Variants in DLG2 observed in about 807,000 individuals in gnomAD.
The protein encoded by DLG2 is disks large homolog 2.
DLG2 carries 45 observed loss-of-function variants against 132.5 expected under a neutral mutation model. The ratio of observed to expected loss-of-function variants is 0.34; its 90% CI spans 0.27 to 0.44. DLG2 has a LOEUF of 0.44. Ranked by LOEUF, DLG2 falls within the 20% of genes least tolerant of loss-of-function variation. DLG2 has a pLI of 1.00. For missense variants in DLG2, 1,045 were observed against 1,196.9 expected (o/e 0.87, Z 1.87); for synonymous variants, 424 against 419.6 (o/e 1.01, Z -0.13).
intron 7 of DLG2, among the ~76,000 whole-genome samples, chr11:84,270,522 T>C (rs976133130): frequency 1.3e-5 from 2 of 152,288 alleles, no homozygotes; most frequent in Non-Finnish European, 2.9e-5. Flanking sequence ...CAATATGAAT[T>C]TTATATGGGA....
At chr11:84,589,630 G>A (rs962573690) in intron 6 of DLG2, among the ~76,000 whole-genome samples, 37 of 152,048 alleles carry the variant, frequency 2.4e-4, no homozygotes, top group African/African-American at 8.9e-4. Context: ...TTTGTCTTGA[G>A]TCTTATCAAT....
intron 6 of DLG2, among the ~76,000 whole-genome samples, chr11:84,860,810 A>G (rs920246572): frequency 2.0e-5 from 3 of 152,080 alleles, no homozygotes; most frequent in African/African-American, 7.2e-5. Context: ...AGAAAAATGA[A>G]AACACTGAAG....
intron 4 of DLG2, among the ~76,000 whole-genome samples, chr11:85,194,728 C>T (rs968052890): frequency 1.3e-5 from 2 of 151,940 alleles, no homozygotes; most frequent in African/African-American, 4.8e-5. Flanking sequence ...TGGCTAAGCC[C>T]CTAGTAGGGA....
intron 6 of DLG2, among the ~76,000 whole-genome samples, chr11:84,631,880 T>C (rs957822374): frequency 3.3e-5 from 5 of 152,178 alleles, no homozygotes; most frequent in Non-Finnish European, 5.9e-5. Context: ...ACAAGTTGTT[T>C]AACTTCTCTG....
At chr11:83,962,299 T>A (rs1341019509) in intron 14 of DLG2, among the ~76,000 whole-genome samples, 1 of 151,984 alleles carries the variant, frequency 6.6e-6, no homozygotes, top group Non-Finnish European at 1.5e-5. Flanking sequence ...GAAAATACAT[T>A]TGTATATGTT....
At chr11:84,435,686 C>T (rs1316416951) in intron 7 of DLG2, among the ~76,000 whole-genome samples, 1 of 152,096 alleles carries the variant, frequency 6.6e-6, no homozygotes, top group Non-Finnish European at 1.5e-5. Context: ...AAACATTAGC[C>T]ATCACAGAAA....
At chr11:85,625,241 A>G (rs566369345) in intron 2 of DLG2, 1 of 152,288 alleles carries the variant, frequency 6.6e-6, no homozygotes, top group South Asian at 2.1e-4. Context: ...AGGTAATCCA[A>G]AAGAAACTCT....
chr11:84,532,075 T>C (rs1459191974), intron 7 of DLG2, among the ~76,000 whole-genome samples: 1 of 149,792 alleles, frequency 6.7e-6, no homozygotes, highest in Non-Finnish European at 1.5e-5. Flanking sequence ...GAAGACTTAA[T>C]ATACAAAACA....
intron 4 of DLG2, among the ~76,000 whole-genome samples, chr11:85,251,638 T>A (rs942217905): frequency 1.3e-5 from 2 of 152,180 alleles, no homozygotes; most frequent in African/African-American, 4.8e-5. Flanking sequence ...TGATCCACTA[T>A]GCCAGAGGAA....
chr11:83,533,491 A>C (rs1046012464), intron 20 of DLG2, among the ~76,000 whole-genome samples: 1 of 152,244 alleles, frequency 6.6e-6, no homozygotes, highest in Admixed American at 6.5e-5. Flanking sequence ...AAGATGGCTG[A>C]TATCAATGTG....
At chr11:85,438,685 T>C (rs970018358) in intron 3 of DLG2, among the ~76,000 whole-genome samples, 1 of 152,204 alleles carries the variant, frequency 6.6e-6, no homozygotes, top group Non-Finnish European at 1.5e-5. Context: ...TTTGTGTGTG[T>C]ATGTACATGT....
intron 5 of DLG2, among the ~76,000 whole-genome samples, chr11:85,122,408 G>A (rs1441285944): frequency 1.3e-5 from 2 of 152,128 alleles, no homozygotes; most frequent in African/African-American, 4.8e-5. Context: ...CAGGCACAAC[G>A]AAGAAACAAG....
chr11:83,638,591 A>G (rs1391488569), intron 18 of DLG2, among the ~76,000 whole-genome samples: 5 of 152,132 alleles, frequency 3.3e-5, no homozygotes, highest in African/African-American at 1.2e-4. Flanking sequence ...AGTAAAATGG[A>G]AACCTGTGTC....
At chr11:84,304,447 C>A (rs1294115188) in intron 7 of DLG2, among the ~76,000 whole-genome samples, 10 of 152,146 alleles carry the variant, frequency 6.6e-5, no homozygotes, top group African/African-American at 2.4e-4. Context: ...AATGGATAGG[C>A]TTTGTTGGGC....
At chr11:85,506,646 T>C (rs1320054223) in intron 3 of DLG2, among the ~76,000 whole-genome samples, 3 of 152,090 alleles carry the variant, frequency 2.0e-5, no homozygotes, top group Non-Finnish European at 2.9e-5. Context: ...ACTATGTGGT[T>C]AATTTTGGAA....
At chr11:84,661,400 G>A (rs1283402835) in intron 6 of DLG2, among the ~76,000 whole-genome samples, 1 of 152,050 alleles carries the variant, frequency 6.6e-6, no homozygotes, top group African/African-American at 2.4e-5. Context: ...ATATCATCGT[G>A]GGGACCCATT....
At chr11:85,146,071 G>A (rs555020911) in intron 5 of DLG2, among the ~76,000 whole-genome samples, 1 of 152,122 alleles carries the variant, frequency 6.6e-6, no homozygotes, top group Non-Finnish European at 1.5e-5. Context: ...CGCAGAACTA[G>A]TAATGCTGTA....
chr11:85,548,189 T>C (rs2076448451), intron 3 of DLG2, among the ~76,000 whole-genome samples: 1 of 152,212 alleles, frequency 6.6e-6, no homozygotes, highest in Admixed American at 6.5e-5. Flanking sequence ...GTCCTTTTTG[T>C]TGATGTTGAT....
At chr11:84,660,865 T>C (rs1024485736) in intron 6 of DLG2, among the ~76,000 whole-genome samples, 1 of 152,166 alleles carries the variant, frequency 6.6e-6, no homozygotes, top group East Asian at 1.9e-4. Flanking sequence ...GAATCTATGA[T>C]TTAAATGAAA....
Sources: gnomAD v4.1 joint callset for allele counts (sites outside exome capture counted in the v4.1 genomes callset) on GRCh38, gnomAD v4.1.1 for gene constraint, MANE v1.5 for transcripts, NCBI Gene and HGNC (gene_info 2026-07-23, HGNC 2026-07-21) for gene names.